Variants in MMP16 observed in about 807,000 individuals in gnomAD.
MMP16 encodes the protein matrix metallopeptidase 16.
In MMP16, 12 loss-of-function variants were observed where a neutral mutation model predicts 67.8. The observed-to-expected ratio is 0.18, with a 90% CI of 0.11 to 0.29. The LOEUF (loss-of-function observed/expected upper bound fraction) is 0.29. MMP16 is among the 10% of genes least tolerant of loss of function. MMP16 has a pLI of 1.00. For synonymous variants in MMP16, 249 were observed against 255.9 expected, an observed-to-expected ratio of 0.97 and a Z score of 0.26; for missense variants, 475 against 765.7, an observed-to-expected ratio of 0.62 and a Z score of 4.48.
intron 4 of MMP16, among the ~76,000 whole-genome samples, chr8:88,122,798 A>G (rs1225931272): frequency 2.6e-5 from 4 of 151,354 alleles, no homozygotes; most frequent in Admixed American, 1.3e-4. Context: ...TCAGGGTTTT[A>G]TCAGTTTGCC....
At chr8:88,076,938 T>G (rs1489870687) in intron 6 of MMP16, among the ~76,000 whole-genome samples, 1 of 152,100 alleles carries the variant, frequency 6.6e-6, no homozygotes, top group Non-Finnish European at 1.5e-5. Context: ...CAAAAGCCCT[T>G]CCCATTGCTA....
At chr8:88,279,331 C>T (rs1415699159) in intron 1 of MMP16, among the ~76,000 whole-genome samples, 4 of 151,810 alleles carry the variant, frequency 2.6e-5, no homozygotes, top group African/African-American at 9.7e-5. Flanking sequence ...TTAAATAAAA[C>T]ATTATTGATA....
At chr8:88,118,559 T>C in intron 5 of MMP16, 141 bp downstream of exon 5, 1 of 694,996 alleles carries the variant, frequency 1.4e-6, no homozygotes, top group East Asian at 2.7e-5. Flanking sequence ...GTTGATAGAA[T>C]AATTTTGCCA....
intron 6 of MMP16, among the ~76,000 whole-genome samples, chr8:88,110,234 TACTG>T (rs998728731): frequency 5.3e-5 from 8 of 151,434 alleles, no homozygotes; most frequent in South Asian, 2.1e-4. Context: ...AGTCCATTCT[TACTG>T]ACTAATACTT....
chr8:88,179,801 A>C (rs1808949564), intron 3 of MMP16, among the ~76,000 whole-genome samples: 1 of 152,192 alleles, frequency 6.6e-6, no homozygotes, highest in African/African-American at 2.4e-5. Flanking sequence ...GTCACCACTT[A>C]AAAATAACAG....
At position 88,166,862 on chromosome 8, in the gene MMP16, C is replaced by T. The variant is rs368693125; in HGVS notation, c.709+807G>A. On this transcript the variant is annotated intron_variant, in intron 4 of 9. Coordinates refer to ENST00000286614, the MANE Select transcript of MMP16 (RefSeq NM_005941.5). ...TTGGGATTACAGGTGTGAGCCACTG[C>T]GCCCAGCCTGCAAAAATTATAGACT... Among the ~76,000 whole-genome samples the T allele has an allele frequency of 1.3e-4, 20 of 151,282 alleles. No homozygotes were observed. The South Asian group carries it at 2.9e-3, about 22-fold the overall frequency.
intron 6 of MMP16, among the ~76,000 whole-genome samples, chr8:88,094,451 C>T (rs1255003727): frequency 6.6e-6 from 1 of 151,518 alleles, no homozygotes; most frequent in African/African-American, 2.4e-5. Flanking sequence ...TGGGCTATTG[C>T]TTTATTTTTA....
chr8:88,104,050 T>A (rs998157145), intron 6 of MMP16, among the ~76,000 whole-genome samples: 3 of 151,814 alleles, frequency 2.0e-5, no homozygotes, highest in Non-Finnish European at 4.4e-5. Flanking sequence ...TTTGCCTATT[T>A]TATTTTAAAA....
chr8:88,171,438 T>A (rs1808802329), intron 3 of MMP16, among the ~76,000 whole-genome samples: 1 of 151,940 alleles, frequency 6.6e-6, no homozygotes, highest in Non-Finnish European at 1.5e-5. Flanking sequence ...ATATGAAGGG[T>A]GGAGATAAAA....
At chr8:88,159,134 G>T (rs1383264291) in intron 4 of MMP16, among the ~76,000 whole-genome samples, 2 of 152,134 alleles carry the variant, frequency 1.3e-5, no homozygotes, top group African/African-American at 2.4e-5. Flanking sequence ...GCTTAGGATT[G>T]TCTTGGCAAT....
At chr8:88,104,741 A>C (rs911331654) in intron 6 of MMP16, among the ~76,000 whole-genome samples, 1 of 151,588 alleles carries the variant, frequency 6.6e-6, no homozygotes, top group African/African-American at 2.4e-5. Flanking sequence ...GTCCTTCGGG[A>C]GGTATTCCAC....
At chr8:88,170,747 A>C (rs1051060003) in intron 3 of MMP16, among the ~76,000 whole-genome samples, 1 of 152,204 alleles carries the variant, frequency 6.6e-6, no homozygotes, top group Non-Finnish European at 1.5e-5. Context: ...CTGAGTTTCC[A>C]GCCAGAGGGA....
intron 1 of MMP16, among the ~76,000 whole-genome samples, chr8:88,217,977 C>G (rs960099423): frequency 6.6e-6 from 1 of 151,934 alleles, no homozygotes; most frequent in Admixed American, 6.6e-5. Context: ...TGACAAAGCA[C>G]TGAGAGAAGA....
At chr8:88,287,131 T>C (rs1265480190) in intron 1 of MMP16, among the ~76,000 whole-genome samples, 1 of 152,192 alleles carries the variant, frequency 6.6e-6, no homozygotes, top group African/African-American at 2.4e-5. Context: ...AAAGCTTAAG[T>C]TGCTCGGAGA....
chr8:88,250,991 T>C (rs1257481447), intron 1 of MMP16, among the ~76,000 whole-genome samples: 3 of 144,174 alleles, frequency 2.1e-5, no homozygotes, highest in Non-Finnish European at 3.0e-5. Context: ...TGTGATCTCA[T>C]TGTTCAATTC....
At position 88,264,033 on chromosome 8, in the gene MMP16, C is replaced by CATAT. The variant is rs150086100; in HGVS notation, c.132+63038_132+63041dup. Among the ~76,000 whole-genome samples, 98 of 134,720 alleles carry CATAT rather than the reference C, an allele frequency of 7.3e-4. 1 individual carries two copies. Among genetic ancestry groups the CATAT allele is most frequent in the African/African-American group, 2.0e-3 (71 of 35,290 alleles). 88.4% of individuals were successfully genotyped at this position (134,720 alleles called of 152,430 possible). ...GTGCAACTTCCCTACAAAAATGGCA[C>CATAT]ATATATATATATATATATATATAGG... On this transcript the variant is annotated intron_variant, in intron 1 of 9. Coordinates refer to ENST00000286614, the MANE Select transcript of MMP16 (RefSeq NM_005941.5).
At position 88,168,101 on chromosome 8, in the gene MMP16, T is replaced by C. The variant is rs1490159440; in HGVS notation, c.405-128A>G. 7 of 662,714 alleles carry C rather than the reference T, an allele frequency of 1.1e-5. No individual in the cohort carries two copies. The Admixed American group carries it at 1.9e-4, about 18-fold the overall frequency. 41.1% of individuals were successfully genotyped at this position (662,714 alleles called of 1,614,324 possible). On this transcript the variant is annotated intron_variant, in intron 3 of 9. Coordinates refer to ENST00000286614, the MANE Select transcript of MMP16 (RefSeq NM_005941.5). ...ATTAAATAGGAATAACACGTATTCA[T>C]TCCTCTTGTCTCTACTGTTAGATTT...
chr8:88,189,659 C>G (rs1488315651), intron 2 of MMP16, among the ~76,000 whole-genome samples: 1 of 152,158 alleles, frequency 6.6e-6, no homozygotes, highest in Non-Finnish European at 1.5e-5. Flanking sequence ...TGTCCCCTGT[C>G]CTCCTTCTCA....
chr8:88,315,835 G>T (rs1398086752), intron 1 of MMP16, among the ~76,000 whole-genome samples: 2 of 152,158 alleles, frequency 1.3e-5, no homozygotes, highest in Non-Finnish European at 2.9e-5. Flanking sequence ...AGCCAAGATA[G>T]GCCAAGAGCT....
Sources: gnomAD v4.1 joint callset for allele counts (sites outside exome capture counted in the v4.1 genomes callset) on GRCh38, gnomAD v4.1.1 for gene constraint, MANE v1.5 for transcripts, NCBI Gene and HGNC (gene_info 2026-07-23, HGNC 2026-07-21) for gene names.